Variants in PDCD6 observed in about 807,000 individuals in gnomAD.
PDCD6 encodes the protein programmed cell death 6.
In PDCD6, 12 loss-of-function variants were observed where a neutral mutation model predicts 28.3. The ratio of observed to expected loss-of-function variants is 0.42; its 90% CI spans 0.27 to 0.69. PDCD6 has a LOEUF of 0.69. Ranked by LOEUF, PDCD6 falls within the 30% of genes least tolerant of loss-of-function variation. The pLI is 0.22. For synonymous variants in PDCD6, 92 were observed against 108.0 expected (o/e 0.85, Z 0.92); for missense variants, 226 against 269.9 (o/e 0.84, Z 1.14).
rs993416277 is a variant in PDCD6, at chr5:271,705, C to A, written c.-16C>A. 8 of 1,484,046 alleles carry A rather than the reference C, an allele frequency of 5.4e-6. No homozygotes were observed. Among genetic ancestry groups the A allele is most frequent in the Non-Finnish European group, 3.6e-6 (4 of 1,099,150 alleles). The allele number at this position is 1,484,046 out of a possible 1,614,324, so 91.9% of individuals were successfully genotyped here. On this transcript the variant is annotated 5_prime_UTR_variant, in exon 1 of 6. Transcript: ENST00000264933. ...CGTCGCTGCAGGCGCCTCAGCCCAG[C>A]CGCGTGCCTTGGCCCATGGCCGCCT...
In PDCD6 at chr5:272,963, C is replaced by T; in HGVS notation, c.163+191C>T. ...ACCGCTGTTACTGCTTGGAGTGCCT[C>T]ACCGAGCCAGCTAACAACTGCGTGC... On this transcript the variant is annotated intron_variant, in intron 2 of 5. Transcript: ENST00000264933. The T allele has an allele frequency of 1.8e-6, 2 of 1,119,628 alleles. 1 individual carries two copies. Among genetic ancestry groups the T allele is most frequent in the Admixed American group, 4.8e-5 (2 of 41,694 alleles). 69.4% of individuals were successfully genotyped at this position (1,119,628 alleles called of 1,614,324 possible).
intron 2 of PDCD6, among the ~76,000 whole-genome samples, chr5:279,000 T>C (rs1475801821): frequency 1.3e-5 from 2 of 152,034 alleles, no homozygotes; most frequent in Non-Finnish European, 2.9e-5. Flanking sequence ...CAAGCTAATA[T>C]CTTGTTCTTC....
intron 2 of PDCD6, among the ~76,000 whole-genome samples, chr5:292,459 A>G (rs1739370670): frequency 6.6e-6 from 1 of 152,014 alleles, no homozygotes; most frequent in African/African-American, 2.4e-5. Context: ...GGGTTTCACC[A>G]TGTTGTCCAG....
At chr5:302,093 T>TGTGTGTGTGTGA (rs1740102402) in intron 2 of PDCD6, among the ~76,000 whole-genome samples, 1 of 119,072 alleles carries the variant, frequency 8.4e-6, no homozygotes, top group Admixed American at 9.1e-5. Context: ...TGTGTGTGTG[T>TGTGTGTGTGTGA]GTGTGTGTGT....
In PDCD6 at chr5:306,408, C is replaced by A. The variant is rs748105845; in HGVS notation, c.209-194C>A. The A allele has an allele frequency of 6.9e-4, 406 of 589,904 alleles. 2 individuals are homozygous for A. The highest frequency in any genetic ancestry group is 1.6e-3 in the South Asian group (83 of 52,212). 36.5% of individuals were successfully genotyped at this position (589,904 alleles called of 1,614,324 possible). ...AGGGCTGGGGGACAATCCCCCACACCCCCACCCAGGGCGAAGGTGACAAGA... is the reference window on the plus strand; with the variant it reads ...AGGGCTGGGGGACAATCCCCCACACACCCACCCAGGGCGAAGGTGACAAGA... On this transcript the variant is annotated intron_variant, in intron 3 of 5. Coordinates refer to ENST00000264933, the MANE Select transcript of PDCD6 (RefSeq NM_013232.4).
intron 4 of PDCD6, chr5:308,350 C>T (rs574836396): frequency 6.6e-6 from 1 of 152,406 alleles, no homozygotes; most frequent in African/African-American, 2.4e-5. Flanking sequence ...TCCCAGAAAA[C>T]TGTGCTTAGC....
rs1054325639 is a variant in PDCD6, at chr5:311,833, A to G, written c.477+431A>G. 8 of 186,074 alleles carry G rather than the reference A, an allele frequency of 4.3e-5. No homozygotes were observed. In the South Asian group the frequency reaches 7.5e-4, roughly 17 times the overall value. 11.5% of individuals were successfully genotyped at this position (186,074 alleles called of 1,614,324 possible). On this transcript the variant is annotated intron_variant, in intron 5 of 5. Coordinates refer to ENST00000264933, the MANE Select transcript of PDCD6 (RefSeq NM_013232.4). ...CTCAGCCTCCCCAGTAGCTGGGATT[A>G]CAGGTGACACCCAGCTAATTTTTGT... is the stretch of plus-strand genomic sequence containing the variant.
chr5:306,088 G>A (rs573973350), intron 3 of PDCD6: 8 of 162,506 alleles, frequency 4.9e-5, no homozygotes, highest in Admixed American at 4.6e-4. Context: ...ATAGGACATA[G>A]GCGAGGGTCT....
intron 2 of PDCD6, among the ~76,000 whole-genome samples, chr5:293,150 A>G (rs1317384193): frequency 6.6e-6 from 1 of 152,180 alleles, no homozygotes; most frequent in Non-Finnish European, 1.5e-5. Context: ...ACTTTCCCAT[A>G]TGGACAAGCC....
At chr5:294,869 C>A (rs1277932901) in intron 2 of PDCD6, among the ~76,000 whole-genome samples, 1 of 152,108 alleles carries the variant, frequency 6.6e-6, no homozygotes, top group Non-Finnish European at 1.5e-5. Flanking sequence ...GAAGGATGCA[C>A]CCAAATGCCC....
At position 281,312 on chromosome 5, in the gene PDCD6, G is replaced by A. The variant is rs373639732; in HGVS notation, c.163+8540G>A. The stretch of plus-strand genomic sequence containing the variant: ...CTTGGGGCTGAAGACCTGGAGAGGA[G>A]CTGGTGCTATCGCTGTTCAAATCTG... On this transcript the variant is annotated intron_variant, in intron 2 of 5. Transcript: ENST00000264933. Among the ~76,000 whole-genome samples, 6 of 152,252 alleles carry A rather than the reference G, an allele frequency of 3.9e-5. No individual in the cohort carries two copies. In the East Asian group the frequency reaches 1.2e-3, roughly 29 times the overall value.
chr5:287,904 G>C (rs1739076055), intron 2 of PDCD6, among the ~76,000 whole-genome samples: 2 of 152,162 alleles, frequency 1.3e-5, no homozygotes, highest in Non-Finnish European at 2.9e-5. Context: ...AAAAGTTCAA[G>C]GAACCTGCTT....
chr5:272,081 T>A (rs1047993766), intron 1 of PDCD6, among the ~76,000 whole-genome samples: 1 of 148,312 alleles, frequency 6.7e-6, no homozygotes, highest in African/African-American at 2.6e-5. Flanking sequence ...CGCCCCTGCC[T>A]CCTGCCCGGT....
At chr5:283,671 G>T (rs1469351472) in intron 2 of PDCD6, among the ~76,000 whole-genome samples, 1 of 151,908 alleles carries the variant, frequency 6.6e-6, no homozygotes, top group East Asian at 1.9e-4. Flanking sequence ...CTAGTTTGAG[G>T]GTTGTGCAGC....
At chr5:297,325 T>G (rs180764795) in intron 2 of PDCD6, among the ~76,000 whole-genome samples, 1 of 152,276 alleles carries the variant, frequency 6.6e-6, no homozygotes, top group East Asian at 1.9e-4. Context: ...CAGAAACTTA[T>G]GCTTCTTCCG....
intron 2 of PDCD6, among the ~76,000 whole-genome samples, chr5:283,474 T>C (rs1229112753): frequency 2.0e-5 from 3 of 151,726 alleles, no homozygotes; most frequent in Non-Finnish European, 4.4e-5. Flanking sequence ...GCTGATGTTC[T>C]AGATTGAGGA....
intron 2 of PDCD6, among the ~76,000 whole-genome samples, chr5:277,503 G>C (rs549828371): frequency 6.6e-6 from 1 of 151,454 alleles, no homozygotes; most frequent in Admixed American, 6.6e-5. Context: ...GGGTTTCACC[G>C]TGTCAGCCAG....
At chr5:288,757 T>C (rs1393599595) in intron 2 of PDCD6, 4 of 664,402 alleles carry the variant, frequency 6.0e-6, no homozygotes, top group Non-Finnish European at 9.3e-6. Context: ...AAACGTGGAC[T>C]TTTTTACATA....
chr5:311,030 T>C (rs766051697), intron 4 of PDCD6: 190 of 418,698 alleles, frequency 4.5e-4, no homozygotes, highest in Non-Finnish European at 7.2e-4. Flanking sequence ...GAGTGACTAA[T>C]GGCAGCGTCC....
Sources: allele counts gnomAD v4.1 joint callset (sites outside exome capture counted in the v4.1 genomes callset), GRCh38; gene constraint gnomAD v4.1.1; transcripts MANE v1.5; gene names NCBI Gene and HGNC (gene_info 2026-07-23, HGNC 2026-07-21).